The following RNLS variants were observed in gnomAD, a reference collection of about 807,000 sequenced individuals.
The protein encoded by RNLS is renalase, FAD dependent amine oxidase, also known as renalase.
In RNLS, 39 loss-of-function variants were observed where a neutral mutation model predicts 39.8. The ratio of observed to expected loss-of-function variants is 0.98; its 90% CI spans 0.76 to 1.28. The LOEUF (loss-of-function observed/expected upper bound fraction) is 1.28. Among genes scored for constraint, RNLS ranks in the 50% most tolerant of loss-of-function variants. The pLI is 0.00. For synonymous variants in RNLS, 147 were observed against 150.7 expected (o/e 0.98, Z 0.18); for missense variants, 410 against 413.3 (o/e 0.99, Z 0.07).
At chr10:88,440,536 T>G (rs1841652246) in intron 4 of RNLS, among the ~76,000 whole-genome samples, 1 of 152,264 alleles carries the variant, frequency 6.6e-6, no homozygotes, top group South Asian at 2.1e-4. Flanking sequence ...CAAGTTTAGC[T>G]GATTCACTGG....
chr10:88,246,320 T>C, the RNLS span, among the ~76,000 whole-genome samples: 20 of 152,218 alleles, frequency 1.3e-4, 1 homozygote, highest in Admixed American at 5.9e-4. Context: ...AATCACAAAC[T>C]TTTTAATGGC....
At chr10:88,208,054 A>T in the RNLS span, among the ~76,000 whole-genome samples, 1 of 152,186 alleles carries the variant, frequency 6.6e-6, no homozygotes, top group Admixed American at 6.6e-5. Flanking sequence ...ACAAGCTAGC[A>T]GCACATCAAG....
rs185520888 is a variant in RNLS at position 88,523,893 on chromosome 10, C to T, written c.526+49010G>A. 1.7e-3 allele frequency among the ~76,000 whole-genome samples: 256 copies of T among 152,174 alleles called. 2 individuals carry two copies. Among genetic ancestry groups the T allele is most frequent in the African/African-American group, 5.6e-3 (234 of 41,542 alleles). Reference sequence around the variant, plus strand: ...ATGAGTGGCAGGTCCATACCTCTGCCGACCTACATCTTCCTGGTACATGGA... The same window carrying T: ...ATGAGTGGCAGGTCCATACCTCTGCTGACCTACATCTTCCTGGTACATGGA... On this transcript the variant is annotated intron_variant, in intron 4 of 6. Coordinates refer to ENST00000331772, the MANE Select transcript of RNLS (RefSeq NM_001031709.3).
intron 4 of RNLS, among the ~76,000 whole-genome samples, chr10:88,491,162 A>G (rs550204842): frequency 6.6e-6 from 1 of 152,298 alleles, no homozygotes; most frequent in African/African-American, 2.4e-5. Flanking sequence ...AAACACTGCT[A>G]GTGCTAGTGG....
chr10:88,204,049 C>T, the RNLS span, among the ~76,000 whole-genome samples: 1 of 152,112 alleles, frequency 6.6e-6, no homozygotes, highest in African/African-American at 2.4e-5. Flanking sequence ...AATGAAGTTA[C>T]ACCAAGCCAG....
At position 88,294,985 on chromosome 10, in the gene RNLS, C is replaced by T; in HGVS notation, c.877-9479G>A. The stretch of plus-strand genomic sequence containing the variant: ...CCTTCTCTTTTGTCACACTTAACCC[C>T]TCACCACTCTATCCCAGTTCCTGAG... On this transcript the variant is annotated intron_variant, in intron 6 of 6. Transcript: ENST00000331772. Among the ~76,000 whole-genome samples, 3 of 152,084 alleles carry T rather than the reference C, an allele frequency of 2.0e-5. 1 individual carries two copies. In the East Asian group the frequency reaches 5.8e-4, roughly 29 times the overall value.
At chr10:88,226,819 A>G in the RNLS span, among the ~76,000 whole-genome samples, 132 of 149,692 alleles carry the variant, frequency 8.8e-4, no homozygotes, top group African/African-American at 3.1e-3. Flanking sequence ...AAAAGGGGAA[A>G]AATACCATAC....
the RNLS span, among the ~76,000 whole-genome samples, chr10:88,242,648 G>T: frequency 6.6e-6 from 1 of 152,126 alleles, no homozygotes; most frequent in East Asian, 1.9e-4. Flanking sequence ...GCAGCTAAAG[G>T]GCTGTAAAAA....
the RNLS span, among the ~76,000 whole-genome samples, chr10:88,196,109 C>T: frequency 6.6e-6 from 1 of 150,954 alleles, no homozygotes; most frequent in Non-Finnish European, 1.5e-5. Flanking sequence ...CCAAATGCTA[C>T]TTTTATAGAT....
intron 4 of RNLS, among the ~76,000 whole-genome samples, chr10:88,485,172 A>G (rs1405752592): frequency 6.6e-6 from 1 of 151,988 alleles, no homozygotes; most frequent in Non-Finnish European, 1.5e-5. Context: ...AGCAGCTTCA[A>G]GAAGAAAGAA....
Position 88,459,648 on chromosome 10 carries a change from G to A in RNLS, c.527-96923C>T, listed in dbSNP as rs1842833555. ...AAAAAGAAAACAAATGACTGGGCAT[G>A]TTCCTCTCTGTGTTTCCCTTCCACT... On this transcript the variant is annotated intron_variant, in intron 4 of 6. Coordinates refer to ENST00000331772, the MANE Select transcript of RNLS (RefSeq NM_001031709.3). Among the ~76,000 whole-genome samples the A allele has an allele frequency of 3.9e-5, 6 of 152,264 alleles. No homozygotes were observed. In the South Asian group the frequency reaches 1.2e-3, roughly 32 times the overall value.
intron 6 of RNLS, among the ~76,000 whole-genome samples, chr10:88,291,325 G>A (rs1446173530): frequency 6.6e-6 from 1 of 152,164 alleles, no homozygotes; most frequent in Non-Finnish European, 1.5e-5. Flanking sequence ...GCAGCGTCAG[G>A]TGAAACTGAC....
chr10:88,471,069 C>T (rs1478254921), intron 4 of RNLS, among the ~76,000 whole-genome samples: 1 of 151,910 alleles, frequency 6.6e-6, no homozygotes, highest in East Asian at 1.9e-4. Flanking sequence ...CTTCTAGGTA[C>T]CTCAATGTTT....
chr10:88,277,665 C>T (rs1465258840), intron 6 of RNLS, among the ~76,000 whole-genome samples: 3 of 152,102 alleles, frequency 2.0e-5, no homozygotes, highest in East Asian at 3.9e-4. Context: ...GGAGTATAAT[C>T]ATATTAACAC....
At chr10:88,305,884 A>C (rs1844877095) in intron 6 of RNLS, among the ~76,000 whole-genome samples, 1 of 152,188 alleles carries the variant, frequency 6.6e-6, no homozygotes, top group African/African-American at 2.4e-5. Flanking sequence ...CATTCTTCTC[A>C]TTGTCATCTG....
intron 4 of RNLS, among the ~76,000 whole-genome samples, chr10:88,568,791 G>A (rs796862284): frequency 2.0e-5 from 3 of 152,180 alleles, no homozygotes; most frequent in East Asian, 1.9e-4. Context: ...TTTACAAGGC[G>A]AGTCACTTTT....
intron 6 of RNLS, among the ~76,000 whole-genome samples, chr10:88,277,734 T>C (rs1458039912): frequency 6.6e-6 from 1 of 152,168 alleles, no homozygotes; most frequent in Non-Finnish European, 1.5e-5. Flanking sequence ...ATATTTTCCA[T>C]GCCTTAATGC....
chr10:88,394,933 T>C lies in RNLS; in HGVS notation c.527-32208A>G, dbSNP rs552473144. Among the ~76,000 whole-genome samples, 331 of 152,064 alleles carry C rather than the reference T, an allele frequency of 2.2e-3. 2 individuals are homozygous for C. The highest frequency in any genetic ancestry group is 7.6e-3 in the African/African-American group (314 of 41,470). ...CTGGAAACAATCATTCTCAGCAAACTATTGCAAGGACAAAAAACCAAACAC... is the reference window on the plus strand; with the variant it reads ...CTGGAAACAATCATTCTCAGCAAACCATTGCAAGGACAAAAAACCAAACAC... On this transcript the variant is annotated intron_variant, in intron 4 of 6. Transcript: ENST00000331772.
chr10:88,566,622 A>T (rs1849514631), intron 4 of RNLS, among the ~76,000 whole-genome samples: 1 of 152,172 alleles, frequency 6.6e-6, no homozygotes, highest in African/African-American at 2.4e-5. Context: ...TACCTCAAGG[A>T]AGGGGCCAAA....
Sources: allele counts gnomAD v4.1 joint callset (sites outside exome capture counted in the v4.1 genomes callset), GRCh38; gene constraint gnomAD v4.1.1; transcripts MANE v1.5; gene names NCBI Gene and HGNC (gene_info 2026-07-23, HGNC 2026-07-21).